Variants in ZNF385D observed in about 807,000 individuals in gnomAD.
The protein encoded by ZNF385D is zinc finger protein 385D.
A neutral mutation model predicts 35.8 loss-of-function variants in ZNF385D; 15 were observed. The observed-to-expected ratio is 0.42, with a 90% CI of 0.28 to 0.64. ZNF385D has a LOEUF of 0.64. ZNF385D is among the 30% of genes least tolerant of loss of function. ZNF385D has a pLI of 0.23. For synonymous variants in ZNF385D, 212 were observed against 186.8 expected (o/e 1.13, Z -1.10); for missense variants, 474 against 494.6 (o/e 0.96, Z 0.39).
chr3:21,453,318 C>A (rs908416707), intron 4 of ZNF385D, among the ~76,000 whole-genome samples: 2 of 151,784 alleles, frequency 1.3e-5, no homozygotes, highest in African/African-American at 4.8e-5. Context: ...GCAATGGTTT[C>A]TTAAAATGGA....
chr3:21,773,052 G>T (rs912159152), intron 3 of ZNF385D, among the ~76,000 whole-genome samples: 2 of 151,752 alleles, frequency 1.3e-5, no homozygotes, highest in Non-Finnish European at 2.9e-5. Flanking sequence ...AGATGGGGGA[G>T]AGAAAAATGG....
intron 4 of ZNF385D, among the ~76,000 whole-genome samples, chr3:21,446,143 A>T (rs1333923357): frequency 6.6e-6 from 1 of 152,196 alleles, no homozygotes; most frequent in African/African-American, 2.4e-5. Context: ...ATTTCTAACA[A>T]GTTCCCAGGT....
chr3:21,953,729 C>G (rs1406326544), intron 3 of ZNF385D, among the ~76,000 whole-genome samples: 1 of 151,902 alleles, frequency 6.6e-6, no homozygotes, highest in African/African-American at 2.4e-5. Flanking sequence ...TTTTAATATT[C>G]ATGTAACTAA....
At chr3:22,124,705 T>C (rs987465849) in intron 3 of ZNF385D, among the ~76,000 whole-genome samples, 2 of 152,208 alleles carry the variant, frequency 1.3e-5, no homozygotes, top group Non-Finnish European at 2.9e-5. Context: ...TTGTTTGCTA[T>C]TTGTATGTCT....
intron 4 of ZNF385D, among the ~76,000 whole-genome samples, chr3:21,451,978 G>A (rs1702486450): frequency 6.6e-6 from 1 of 151,978 alleles, no homozygotes; most frequent in African/African-American, 2.4e-5. Context: ...ATAGGACATT[G>A]CAGCAATTAT....
chr3:21,641,632 C>CTTTTTT (rs144071100), intron 2 of ZNF385D, among the ~76,000 whole-genome samples: 1 of 104,726 alleles, frequency 9.5e-6, no homozygotes, highest in African/African-American at 3.7e-5. Flanking sequence ...AACAAGTCAG[C>CTTTTTT]TTTTTTTTTT....
At chr3:21,958,298 G>A (rs1386302683) in intron 3 of ZNF385D, among the ~76,000 whole-genome samples, 1 of 152,068 alleles carries the variant, frequency 6.6e-6, no homozygotes, top group African/African-American at 2.4e-5. Context: ...GACAATAGAG[G>A]TCAGGAACAT....
chr3:22,069,799 GT>G (rs914335048), intron 3 of ZNF385D, among the ~76,000 whole-genome samples: 1 of 152,016 alleles, frequency 6.6e-6, no homozygotes, highest in Non-Finnish European at 1.5e-5. Flanking sequence ...TTCTTCTTCT[GT>G]CCCATGAAAT....
chr3:21,737,673 G>T (rs1381248695), intron 1 of ZNF385D, among the ~76,000 whole-genome samples: 1 of 152,082 alleles, frequency 6.6e-6, no homozygotes, highest in Non-Finnish European at 1.5e-5. Flanking sequence ...TTTTCAAAAA[G>T]TACAAAAATA....
intron 3 of ZNF385D, among the ~76,000 whole-genome samples, chr3:21,927,708 G>A (rs746954317): frequency 6.6e-6 from 1 of 152,136 alleles, no homozygotes; most frequent in Non-Finnish European, 1.5e-5. Context: ...AGACAAAATA[G>A]ACTTCAAGAC....
At chr3:21,476,864 A>C (rs910049053) in intron 4 of ZNF385D, among the ~76,000 whole-genome samples, 6 of 152,030 alleles carry the variant, frequency 3.9e-5, no homozygotes, top group African/African-American at 9.7e-5. Context: ...TCTGAGGTGA[A>C]TATACTCCTG....
chr3:21,513,647 T>C (rs1296435658), intron 3 of ZNF385D, among the ~76,000 whole-genome samples: 3 of 152,024 alleles, frequency 2.0e-5, no homozygotes. Flanking sequence ...TCAATATCAA[T>C]ATGATTGTAA....
chr3:22,269,139 C>T (rs566656795), intron 2 of ZNF385D, among the ~76,000 whole-genome samples: 12 of 151,896 alleles, frequency 7.9e-5, no homozygotes, highest in Non-Finnish European at 1.3e-4. Context: ...TATCTGTATG[C>T]ATAACATCAT....
intron 3 of ZNF385D, among the ~76,000 whole-genome samples, chr3:21,888,053 C>T (rs1195249049): frequency 6.6e-6 from 1 of 151,874 alleles, no homozygotes; most frequent in African/African-American, 2.4e-5. Flanking sequence ...TTTCTTTTCC[C>T]CCTTTTATTC....
intron 3 of ZNF385D, among the ~76,000 whole-genome samples, chr3:21,808,653 G>A (rs555460690): frequency 6.6e-6 from 1 of 152,354 alleles, no homozygotes; most frequent in African/African-American, 2.4e-5. Flanking sequence ...GGTAATGACA[G>A]CAAAGGGGCA....
chr3:22,153,468 T>C (rs1255740574), intron 3 of ZNF385D, among the ~76,000 whole-genome samples: 36 of 147,932 alleles, frequency 2.4e-4, no homozygotes, highest in Admixed American at 3.4e-4. Flanking sequence ...ATTCTTCTTT[T>C]TTTTTTTTTT....
At chr3:22,341,787 T>G (rs755839336) in intron 2 of ZNF385D, among the ~76,000 whole-genome samples, 13 of 152,310 alleles carry the variant, frequency 8.5e-5, no homozygotes, top group Non-Finnish European at 1.9e-4. Context: ...CTACTTATCA[T>G]TCAACATCTC....
rs149077304 is a variant in ZNF385D, at chr3:21,522,664, C to T, written c.277-11641G>A. Among the ~76,000 whole-genome samples, 714 of 151,994 alleles carry T rather than the reference C, an allele frequency of 4.7e-3. 3 individuals are homozygous for T. The highest frequency in any genetic ancestry group is 0.014 in the Middle Eastern group (4 of 294). ...CTTTTATATAACCAAAATTGCAGAA[C>T]GAAGTGGTTTGGGGACTAGATTAAC... On this transcript the variant is annotated intron_variant, in intron 3 of 7. Coordinates refer to ENST00000281523, the MANE Select transcript of ZNF385D (RefSeq NM_024697.3).
rs150676684 is a variant in ZNF385D, at chr3:21,881,415, C to G, written c.326-216387G>C. 5.9e-5 allele frequency among the ~76,000 whole-genome samples: 9 copies of G among 152,012 alleles called. No homozygotes were observed. The East Asian group carries it at 1.2e-3, about 20-fold the overall frequency. Reference sequence around the variant, plus strand: ...GTGCTCTATAAATGAAACAACAAAGCCTGGATGACAGCACATCTGTTTACA... The same window carrying G: ...GTGCTCTATAAATGAAACAACAAAGGCTGGATGACAGCACATCTGTTTACA... On this transcript the variant is annotated intron_variant, in intron 3 of 5. Coordinates refer to the ZNF385D transcript ENST00000494108.
Sources: gnomAD v4.1 joint callset for allele counts (sites outside exome capture counted in the v4.1 genomes callset) on GRCh38, gnomAD v4.1.1 for gene constraint, MANE v1.5 for transcripts, NCBI Gene and HGNC (gene_info 2026-07-23, HGNC 2026-07-21) for gene names.